Variants in ZBTB18 observed in about 807,000 individuals in gnomAD.
ZBTB18 encodes zinc finger and BTB domain-containing protein 18.
Under a neutral mutation model 37.7 loss-of-function variants are expected in ZBTB18, and 2 were observed. The ratio of observed to expected loss-of-function variants is 0.05; its 90% CI spans 0.02 to 0.17. The LOEUF is 0.17. Among genes scored for constraint, ZBTB18 ranks in the 10% least tolerant of loss-of-function variants. The probability of loss-of-function intolerance (pLI) is 1.00; values close to 1 mark genes in which losing one functional copy is unlikely to be tolerated. For synonymous variants in ZBTB18, 304 were observed against 276.5 expected, an observed-to-expected ratio of 1.10 and a Z score of -0.99; for missense variants, 408 against 686.3, an observed-to-expected ratio of 0.59 and a Z score of 4.53.
At position 244,053,390 on chromosome 1, in the gene ZBTB18, A is replaced by G. The variant is rs1698390462; in HGVS notation, c.14-398A>G. ...TGTTTGGGACTTTTCTTTGTTTATT[A>G]TATGAGTTGTTCCCTTTGAAATTAA... On this transcript the variant is annotated intron_variant, in intron 1 of 1. Coordinates refer to ENST00000358704, the MANE Select transcript of ZBTB18 (RefSeq NM_205768.3). The surrounding 1 kb of genome is among the most constrained non-coding windows in gnomAD (Gnocchi z 5.2). Among the ~76,000 whole-genome samples, 1 of 152,170 alleles carries G rather than the reference A, an allele frequency of 6.6e-6. No homozygotes were observed. The highest frequency in any genetic ancestry group is 1.5e-5 in the Non-Finnish European group (1 of 68,018).
Position 244,054,510 on chromosome 1 carries a change from G to C in ZBTB18, c.736G>C (p.Asp246His). The C allele has an allele frequency of 6.2e-7, 1 of 1,614,238 alleles. No individual in the cohort carries two copies. Among genetic ancestry groups the C allele is most frequent in the Non-Finnish European group, 8.5e-7 (1 of 1,180,050 alleles). The stretch of plus-strand genomic sequence containing the variant: ...CTCCGTGAGGGATTCGGCAGATGTT[G>C]ACTGTGTGCTGGACCTGTCTGTCAA... ...VTSVRDSADV[D>H]CVLDLSVKSS... Residue 246 changes from aspartate (D) to histidine (H), a missense_variant, in exon 2 of 2, where the codon GAC becomes CAC. This residue lies in a region of ZBTB18 where 266 missense variants were observed against 312.0 expected (regional missense o/e 0.85). Transcript: ENST00000358704. The surrounding 1 kb of genome is among the most constrained non-coding windows in gnomAD (Gnocchi z 9.0).
Position 244,051,400 on chromosome 1 carries a change from C to T in ZBTB18, c.-32C>T. 1 of 1,613,588 alleles carries T rather than the reference C, an allele frequency of 6.2e-7. No homozygotes were observed. Among genetic ancestry groups the T allele is most frequent in the Non-Finnish European group, 8.5e-7 (1 of 1,179,722 alleles). On this transcript the variant is annotated 5_prime_UTR_variant, in exon 1 of 2. Transcript: ENST00000358704. ...ACCGATGTAACAGACCTGGAGCCAG[C>T]AGGACTCAGAGGAAAGGACTTAATC...
chr1:244,049,462 C>T (rs1442109592), upstream of ZBTB18, among the ~76,000 whole-genome samples: 2 of 82,722 alleles, frequency 2.4e-5, no homozygotes, highest in African/African-American at 9.4e-5. Context: ...GGGAGGGGGC[C>T]GGCGGGGGAG....
upstream of ZBTB18, among the ~76,000 whole-genome samples, chr1:244,049,804 A>G (rs1273232334): frequency 1.3e-5 from 2 of 151,806 alleles, no homozygotes; most frequent in African/African-American, 4.8e-5. Context: ...CAACCTCACA[A>G]AACCTCTATG....
rs1379981908 is a variant in ZBTB18 at position 244,057,067 on chromosome 1, G to GT, written c.*1699dup. 1 of 166,888 alleles carries GT rather than the reference G, an allele frequency of 6.0e-6. No homozygotes were observed. Among genetic ancestry groups the GT allele is most frequent in the Non-Finnish European group, 1.5e-5 (1 of 68,090 alleles). The allele number at this position is 166,888 out of a possible 1,614,324, so 10.3% of individuals were successfully genotyped here. ...TTTGGAAATATTTGGTTAAATGTGT[G>GT]TTAATTTGGCTGTAATGGCATTTAA... On this transcript the variant is annotated 3_prime_UTR_variant, in exon 2 of 2. Transcript: ENST00000358704.
chr1:244,054,870 C>T lies in ZBTB18; in HGVS notation c.1096C>T (p.Pro366Ser), dbSNP rs770332009. Residue 366 changes from proline (P) to serine (S), a missense_variant, in exon 2 of 2, where the codon CCC becomes TCC. Physicochemically the swap from Pro to Ser is moderately conservative, Grantham distance 74. Around this residue, in one of 4 missense-constraint regions of ZBTB18, gnomAD observed 266 missense variants for 312.0 expected, o/e 0.85. Coordinates refer to ENST00000358704, the MANE Select transcript of ZBTB18 (RefSeq NM_205768.3). The surrounding 1 kb of genome is among the most constrained non-coding windows in gnomAD (Gnocchi z 9.0). ...VEGGMESSLL[P>S]YVSNILSPAG... ...GGGAGGCATGGAGAGCAGTCTGCTC[C>T]CCTACGTCTCCAACATCCTGAGCCC... is the stretch of plus-strand genomic sequence containing the variant. 6.2e-7 allele frequency: 1 copy of T among 1,614,092 alleles called. No homozygotes were observed. The highest frequency in any genetic ancestry group is 8.5e-7 in the Non-Finnish European group (1 of 1,180,020).
In ZBTB18 at chr1:244,054,092, G is replaced by A; in HGVS notation, c.318G>A (p.Val106=). ...LQFKDLPIED[V]LAAASYLHMY... ...TCAAAGACTTGCCCATTGAAGACGT[G>A]CTAGCAGCTGCCAGTTATCTCCACA... Residue 106 remains valine, a synonymous_variant, in exon 2 of 2, where the codon GTG becomes GTA. Transcript: ENST00000358704. The surrounding 1 kb of genome is among the most constrained non-coding windows in gnomAD (Gnocchi z 9.0). 1.2e-6 allele frequency: 2 copies of A among 1,614,106 alleles called. No individual in the cohort carries two copies. Among genetic ancestry groups the A allele is most frequent in the Non-Finnish European group, 1.7e-6 (2 of 1,180,034 alleles).
At position 244,051,431 on chromosome 1, in the gene ZBTB18, T is replaced by C; in HGVS notation, c.-1T>C. On this transcript the variant is annotated 5_prime_UTR_variant, in exon 1 of 2. Coordinates refer to ENST00000358704, the MANE Select transcript of ZBTB18 (RefSeq NM_205768.3). ...TCAGAGGAAAGGACTTAATCAGGTTTATGTGTCCTAAAGGTAGGAGTAGCA... is the reference window on the plus strand; with the variant it reads ...TCAGAGGAAAGGACTTAATCAGGTTCATGTGTCCTAAAGGTAGGAGTAGCA... 6.2e-7 allele frequency: 1 copy of C among 1,614,180 alleles called. No homozygotes were observed. The highest frequency in any genetic ancestry group is 1.1e-5 in the South Asian group (1 of 91,078).
chr1:244,055,049 G>C lies in ZBTB18; in HGVS notation c.1275G>C (p.Gly425=), dbSNP rs747216491. The C allele has an allele frequency of 6.2e-7, 1 of 1,614,112 alleles. No individual in the cohort carries two copies. The highest frequency in any genetic ancestry group is 8.5e-7 in the Non-Finnish European group (1 of 1,180,060). ...ACGTGCCCACGTGCTCGCTGTGTGG[G>C]AAGACTTTCTCTTGCATGTACACCC... ...DVNVPTCSLC[G]KTFSCMYTLK... is the part of the protein sequence containing the mutation. The change falls in exon 2 of 2, where the codon GGG becomes GGC. Residue 425 remains glycine, a synonymous_variant. Coordinates refer to ENST00000358704, the MANE Select transcript of ZBTB18 (RefSeq NM_205768.3). This position sits in a 1 kb window ranked among gnomAD's most constrained non-coding sequence, Gnocchi z 7.0.
At position 244,055,388 on chromosome 1, in the gene ZBTB18, TA is replaced by T; in HGVS notation, c.*20del. On this transcript the variant is annotated 3_prime_UTR_variant, in exon 2 of 2. Coordinates refer to ENST00000358704, the MANE Select transcript of ZBTB18 (RefSeq NM_205768.3). The surrounding 1 kb of genome is among the most constrained non-coding windows in gnomAD (Gnocchi z 7.0). ...GGAAATAATTTTATATATATATAAA[TA>T]ATATATATATATATACATATATATA... The T allele has an allele frequency of 1.4e-6, 1 of 704,900 alleles. No homozygotes were observed. The highest frequency in any genetic ancestry group is 2.0e-6 in the Non-Finnish European group (1 of 509,040). The allele number at this position is 704,900 out of a possible 1,614,324, so 43.7% of individuals were successfully genotyped here.
At position 244,054,175 on chromosome 1, in the gene ZBTB18, C is replaced by T. The variant is rs1231609226; in HGVS notation, c.401C>T (p.Ala134Val). 1.2e-6 allele frequency: 2 copies of T among 1,614,008 alleles called. No homozygotes were observed. The highest frequency in any genetic ancestry group is 4.5e-5 in the East Asian group (2 of 44,888). Reference protein sequence around the residue: ...KKLKEKATTEADSTKKEEDAS... With the variant: ...KKLKEKATTEVDSTKKEEDAS... ...CTGAAAGAGAAAGCCACCACGGAGG[C>T]AGACAGCACCAAAAAGGAAGAAGAT... Residue 134 changes from alanine (A) to valine (V), a missense_variant, in exon 2 of 2, where the codon GCA becomes GTA. Transcript: ENST00000358704. The surrounding 1 kb of genome is among the most constrained non-coding windows in gnomAD (Gnocchi z 9.0).
upstream of ZBTB18, among the ~76,000 whole-genome samples, chr1:244,049,404 C>T (rs948751657): frequency 7.3e-5 from 9 of 124,046 alleles, no homozygotes; most frequent in African/African-American, 1.5e-4. Context: ...CAGTGGCGCC[C>T]GGGACGGCCG....
rs1486504470 is a variant in ZBTB18, at chr1:244,056,783, T to G, written c.*1413T>G. 1 of 166,988 alleles carries G rather than the reference T, an allele frequency of 6.0e-6. No homozygotes were observed. The highest frequency in any genetic ancestry group is 1.5e-5 in the Non-Finnish European group (1 of 68,128). The allele number at this position is 166,988 out of a possible 1,614,324, so 10.3% of individuals were successfully genotyped here. The stretch of plus-strand genomic sequence containing the variant: ...AAGGGGGTTAGTAGACTATGTGGAT[T>G]GCGGCAGCAGAGGCTGCAGCCTAAC... On this transcript the variant is annotated 3_prime_UTR_variant, in exon 2 of 2. Transcript: ENST00000358704.
upstream of ZBTB18, among the ~76,000 whole-genome samples, chr1:244,050,447 GA>G (rs947735202): frequency 1.7e-5 from 2 of 120,142 alleles, no homozygotes; most frequent in African/African-American, 6.6e-5. Flanking sequence ...CCCCCCCAAA[GA>G]AAAAAAAGAT....
Position 244,053,725 on chromosome 1 carries a change from G to C in ZBTB18, c.14-63G>C, listed in dbSNP as rs1430131760. On this transcript the variant is annotated intron_variant, in intron 1 of 1. Transcript: ENST00000358704. This position sits in a 1 kb window ranked among gnomAD's most constrained non-coding sequence, Gnocchi z 5.2. Reference sequence around the variant, plus strand: ...AAAGCGGAATTAATTTTTTTATATGGGGACTGGAGCGCTGAAAAGTTGTTC... The same window carrying C: ...AAAGCGGAATTAATTTTTTTATATGCGGACTGGAGCGCTGAAAAGTTGTTC... 2 of 1,531,248 alleles carry C rather than the reference G, an allele frequency of 1.3e-6. No homozygotes were observed. Among genetic ancestry groups the C allele is most frequent in the Non-Finnish European group, 1.8e-6 (2 of 1,142,698 alleles). 94.9% of individuals were successfully genotyped at this position (1,531,248 alleles called of 1,614,324 possible).
intron 1 of ZBTB18, 31 bp downstream of exon 1, chr1:244,051,475 A>C (rs1485383044): frequency 2.5e-6 from 4 of 1,612,994 alleles, no homozygotes; most frequent in Non-Finnish European, 8.5e-7. Context: ...GATTGAGCAT[A>C]TTTCTGTTTT....
chr1:244,048,704 C>G (rs1451592185), upstream of ZBTB18, among the ~76,000 whole-genome samples: 1 of 141,212 alleles, frequency 7.1e-6, no homozygotes, highest in Non-Finnish European at 1.6e-5. Context: ...CTCGCTGTGT[C>G]TGGCAGGCTG....
Position 244,057,156 on chromosome 1 carries a change from A to G in ZBTB18, c.*1786A>G, listed in dbSNP as rs926465847. 2 of 167,106 alleles carry G rather than the reference A, an allele frequency of 1.2e-5. No homozygotes were observed. Among genetic ancestry groups the G allele is most frequent in the African/African-American group, 2.4e-5 (1 of 41,460 alleles). 10.4% of individuals were successfully genotyped at this position (167,106 alleles called of 1,614,324 possible). A position where few individuals can be genotyped will look rare whatever the true frequency, so the allele number is the denominator to read the frequency against. On this transcript the variant is annotated 3_prime_UTR_variant, in exon 2 of 2. Transcript: ENST00000358704. ...TGGAGCATTATCTTTAGTTACTTGA[A>G]GAGTTTCTAGTTTTTTTAAAATACA... is the stretch of plus-strand genomic sequence containing the variant.
At chr1:244,052,682 A>G (rs549875158) in intron 1 of ZBTB18, among the ~76,000 whole-genome samples, 3 of 152,290 alleles carry the variant, frequency 2.0e-5, no homozygotes, top group Admixed American at 6.5e-5. Context: ...AACAAGGGCA[A>G]TGATGAATAT....
Sources: gnomAD v4.1 joint callset for allele counts (sites outside exome capture counted in the v4.1 genomes callset) on GRCh38, gnomAD v4.1.1 for gene constraint, gnomAD v4.1.1 regional missense constraint, Gnocchi (gnomAD v3.1) non-coding constraint, MANE v1.5 for transcripts, NCBI Gene and HGNC (gene_info 2026-07-23, HGNC 2026-07-21) for gene names.